The following COL25A1 variants were observed in gnomAD, a reference collection of about 807,000 sequenced individuals.
COL25A1 encodes the protein collagen alpha-1(XXV) chain.
Under a neutral mutation model 128.4 loss-of-function variants are expected in COL25A1, and 103 were observed. That is an observed-to-expected ratio of 0.80 (90% CI 0.68 to 0.94). The LOEUF (loss-of-function observed/expected upper bound fraction) is 0.94. Ranked by LOEUF, COL25A1 falls within the 40% of genes least tolerant of loss-of-function variation. The probability of loss-of-function intolerance (pLI) is 0.00; values close to 1 mark genes in which losing one functional copy is unlikely to be tolerated. For synonymous variants in COL25A1, 279 were observed against 277.2 expected, an observed-to-expected ratio of 1.01 and a Z score of -0.06; for missense variants, 745 against 840.0, an observed-to-expected ratio of 0.89 and a Z score of 1.40.
intron 6 of COL25A1, 46 bp downstream of exon 6, chr4:109,010,312 G>GA (rs767692988): frequency 3.3e-6 from 5 of 1,503,718 alleles, no homozygotes; most frequent in Non-Finnish European, 4.5e-6. Context: ...TCCACACTGG[G>GA]AAAATCCTAA....
intron 3 of COL25A1, among the ~76,000 whole-genome samples, chr4:109,118,982 A>G (rs1184212315): frequency 6.6e-6 from 1 of 152,078 alleles, no homozygotes. Context: ...AACATGCCTT[A>G]ACAAACTTAA....
intron 6 of COL25A1, among the ~76,000 whole-genome samples, chr4:108,981,536 T>TAAAAA (rs1198837413): frequency 6.6e-6 from 1 of 152,100 alleles, no homozygotes; most frequent in Non-Finnish European, 1.5e-5. Flanking sequence ...AATGCTTCAG[T>TAAAAA]AAAAAAGTTA....
intron 3 of COL25A1, among the ~76,000 whole-genome samples, chr4:109,238,300 C>T (rs899492186): frequency 1.3e-4 from 20 of 152,000 alleles, no homozygotes; most frequent in African/African-American, 4.3e-4. Context: ...GAGAGAATAG[C>T]GAAACACATA....
At chr4:108,927,970 T>C (rs4956225) in intron 11 of COL25A1, among the ~76,000 whole-genome samples, 106,681 of 152,034 alleles carry the variant, frequency 0.7, 38,757 homozygotes, top group East Asian at 0.94. Context: ...TATTACCTCT[T>C]GCCAGATATC....
At chr4:109,012,916 C>T (rs544826874) in intron 5 of COL25A1, among the ~76,000 whole-genome samples, 9 of 152,326 alleles carry the variant, frequency 5.9e-5, no homozygotes, top group South Asian at 4.1e-4. Flanking sequence ...ATCCACTAGG[C>T]GAAGCCAGCT....
intron 3 of COL25A1, among the ~76,000 whole-genome samples, chr4:109,200,823 C>A (rs532880723): frequency 1.3e-5 from 2 of 152,200 alleles, no homozygotes; most frequent in East Asian, 3.9e-4. Flanking sequence ...GCCTCAAGGT[C>A]TTTTTCAGAT....
chr4:108,930,099 G>C (rs1165863452), intron 11 of COL25A1, among the ~76,000 whole-genome samples: 1 of 152,082 alleles, frequency 6.6e-6, no homozygotes, highest in Non-Finnish European at 1.5e-5. Context: ...TTCTAACTTA[G>C]CTTGGGGGAG....
intron 3 of COL25A1, among the ~76,000 whole-genome samples, chr4:109,227,041 G>A (rs1355434867): frequency 6.6e-6 from 1 of 152,118 alleles, no homozygotes; most frequent in Non-Finnish European, 1.5e-5. Flanking sequence ...AATAACCTAA[G>A]TCTTTTAACA....
intron 24 of COL25A1, among the ~76,000 whole-genome samples, chr4:108,853,145 T>C (rs1188415612): frequency 6.6e-6 from 1 of 152,150 alleles, no homozygotes; most frequent in African/African-American, 2.4e-5. Context: ...AAAAAATCTA[T>C]GGCTGAAGAA....
intron 3 of COL25A1, among the ~76,000 whole-genome samples, chr4:109,241,943 G>A (rs139783267): frequency 2.6e-5 from 4 of 151,500 alleles, no homozygotes; most frequent in African/African-American, 9.7e-5. Context: ...TTTTTTAAAA[G>A]TTGAAAGTCA....
chr4:109,019,521 A>G (rs1248043311), intron 5 of COL25A1, among the ~76,000 whole-genome samples: 9 of 151,878 alleles, frequency 5.9e-5, no homozygotes, highest in Non-Finnish European at 1.2e-4. Context: ...CAGGAAACTT[A>G]CAATCATGGT....
chr4:109,288,962 T>TATATACACACAC (rs1021982305), intron 3 of COL25A1, among the ~76,000 whole-genome samples: 67 of 133,604 alleles, frequency 5.0e-4, no homozygotes, highest in African/African-American at 1.7e-3. Flanking sequence ...AAATTATATA[T>TATATACACACAC]ACACACACAC....
intron 3 of COL25A1, among the ~76,000 whole-genome samples, chr4:109,055,528 G>C (rs904989687): frequency 5.9e-5 from 9 of 152,108 alleles, no homozygotes; most frequent in African/African-American, 2.2e-4. Context: ...TGTCAGTTTT[G>C]AATTCACATT....
chr4:109,000,967 A>G (rs1755312508), intron 6 of COL25A1, among the ~76,000 whole-genome samples: 3 of 152,160 alleles, frequency 2.0e-5, no homozygotes, highest in Admixed American at 2.0e-4. Flanking sequence ...AAGAAAAAGA[A>G]GATTTGAAGA....
At chr4:109,162,100 T>A (rs1772633680) in intron 3 of COL25A1, among the ~76,000 whole-genome samples, 2 of 152,158 alleles carry the variant, frequency 1.3e-5, no homozygotes, top group Admixed American at 1.3e-4. Flanking sequence ...AGAATTCAAT[T>A]CAAATTAGTG....
At chr4:108,847,693 T>C (rs867261674) in intron 27 of COL25A1, among the ~76,000 whole-genome samples, 5 of 152,310 alleles carry the variant, frequency 3.3e-5, no homozygotes, top group Non-Finnish European at 7.3e-5. Flanking sequence ...AGAAGTAACA[T>C]AGACAGACTT....
At chr4:109,017,498 G>T (rs757148592) in intron 5 of COL25A1, among the ~76,000 whole-genome samples, 2 of 152,228 alleles carry the variant, frequency 1.3e-5, no homozygotes, top group Non-Finnish European at 2.9e-5. Flanking sequence ...GCCAGTAAGT[G>T]CTAACACAAT....
At chr4:109,005,099 G>C (rs1005747017) in intron 6 of COL25A1, among the ~76,000 whole-genome samples, 4 of 152,242 alleles carry the variant, frequency 2.6e-5, no homozygotes, top group South Asian at 4.1e-4. Context: ...AATTCTGCAG[G>C]CTGCACAGGA....
chr4:109,255,306 TA>T (rs1375373217), intron 3 of COL25A1, among the ~76,000 whole-genome samples: 1 of 152,178 alleles, frequency 6.6e-6, no homozygotes, highest in Non-Finnish European at 1.5e-5. Context: ...CAAATTAATT[TA>T]AAAATAAAAC....
Sources: gnomAD v4.1 joint callset for allele counts (sites outside exome capture counted in the v4.1 genomes callset) on GRCh38, gnomAD v4.1.1 for gene constraint, MANE v1.5 for transcripts, NCBI Gene and HGNC (gene_info 2026-07-23, HGNC 2026-07-21) for gene names.